Variants in SOX6 observed in about 807,000 individuals in gnomAD.
SOX6 encodes the protein SRY-box transcription factor 6.
Under a neutral mutation model 97.8 loss-of-function variants are expected in SOX6, and 11 were observed. That is an observed-to-expected ratio of 0.11 (90% confidence interval 0.07 to 0.19). The LOEUF (loss-of-function observed/expected upper bound fraction) is 0.19. Among genes scored for constraint, SOX6 ranks in the 10% least tolerant of loss-of-function variants. The pLI, the probability that SOX6 is intolerant of heterozygous loss-of-function variation, is 1.00. For synonymous variants in SOX6, 360 were observed against 371.4 expected, an observed-to-expected ratio of 0.97 and a Z score of 0.35; for missense variants, 810 against 1,039.5, an observed-to-expected ratio of 0.78 and a Z score of 3.04.
chr11:16,237,736 A>T (rs1272717364), intron 3 of SOX6, among the ~76,000 whole-genome samples: 1 of 152,074 alleles, frequency 6.6e-6, no homozygotes, highest in Non-Finnish European at 1.5e-5. Context: ...AAACATAAAT[A>T]TATTTTACAA....
intron 3 of SOX6, chr11:16,314,932 G>C (rs1590117230): frequency 1.3e-5 from 2 of 152,000 alleles, no homozygotes; most frequent in African/African-American, 4.8e-5. Flanking sequence ...TTATTTACTG[G>C]TTGTTTGTTT....
chr11:16,039,251 T>C (rs549461711), intron 12 of SOX6, among the ~76,000 whole-genome samples: 1 of 152,206 alleles, frequency 6.6e-6, no homozygotes, highest in East Asian at 1.9e-4. Flanking sequence ...TCTTTTTACA[T>C]CAAGGCAACG....
At chr11:16,574,954 C>A (rs1847968961) in intron 4 of SOX6, among the ~76,000 whole-genome samples, 1 of 151,630 alleles carries the variant, frequency 6.6e-6, no homozygotes, top group South Asian at 2.1e-4. Flanking sequence ...GCAAGAGAAT[C>A]GCTTGAACCC....
intron 3 of SOX6, among the ~76,000 whole-genome samples, chr11:16,652,548 T>C (rs895979070): frequency 1.9e-4 from 29 of 152,130 alleles, no homozygotes; most frequent in African/African-American, 7.0e-4. Flanking sequence ...GCTGGGATAA[T>C]TGGTAAGCCA....
rs557907329 is a variant in SOX6, at chr11:16,241,972, A to G, written c.446-7301T>C. ...TGGTAATGTAAGCCAATACATTCCTATTAATTTGAGTTGGGTTTCTGCAAG... is the reference window on the plus strand; with the variant it reads ...TGGTAATGTAAGCCAATACATTCCTGTTAATTTGAGTTGGGTTTCTGCAAG... On this transcript the variant is annotated intron_variant, in intron 3 of 15. Transcript: ENST00000683767. Among the ~76,000 whole-genome samples the G allele has an allele frequency of 2.6e-5, 4 of 152,204 alleles. No individual in the cohort carries two copies. In the South Asian group the frequency reaches 6.2e-4, roughly 24 times the overall value.
At chr11:16,094,206 C>A (rs547637526) in intron 9 of SOX6, among the ~76,000 whole-genome samples, 1 of 151,786 alleles carries the variant, frequency 6.6e-6, no homozygotes, top group South Asian at 2.1e-4. Context: ...ATCAGCATCA[C>A]TACAGCACTA....
intron 6 of SOX6, among the ~76,000 whole-genome samples, chr11:16,170,926 A>G (rs1405937119): frequency 6.6e-6 from 1 of 152,036 alleles, no homozygotes; most frequent in Non-Finnish European, 1.5e-5. Context: ...GCTATGGGAA[A>G]AGATTAAAGA....
At chr11:16,429,719 T>C (rs977040829) in intron 1 of SOX6, among the ~76,000 whole-genome samples, 1 of 152,006 alleles carries the variant, frequency 6.6e-6, no homozygotes, top group African/African-American at 2.4e-5. Flanking sequence ...GAAAAATAAC[T>C]TATAAGTACT....
At chr11:16,509,431 G>A (rs1223695334) in intron 4 of SOX6, among the ~76,000 whole-genome samples, 2 of 151,948 alleles carry the variant, frequency 1.3e-5, no homozygotes, top group African/African-American at 4.8e-5. Context: ...CAGTACAACT[G>A]ACTAAATCTA....
intron 4 of SOX6, among the ~76,000 whole-genome samples, chr11:16,496,562 T>G (rs1284927733): frequency 6.6e-6 from 1 of 152,202 alleles, no homozygotes; most frequent in Non-Finnish European, 1.5e-5. Context: ...GGAATTCCCT[T>G]TCCTAGTCAA....
intron 13 of SOX6, among the ~76,000 whole-genome samples, chr11:16,007,117 G>A (rs928376636): frequency 3.3e-5 from 5 of 152,084 alleles, no homozygotes; most frequent in Admixed American, 6.6e-5. Context: ...GATACCTTCT[G>A]AGAAATGAAT....
intron 3 of SOX6, among the ~76,000 whole-genome samples, chr11:16,687,626 C>T (rs1252374468): frequency 1.3e-5 from 2 of 152,148 alleles, no homozygotes; most frequent in African/African-American, 2.4e-5. Context: ...CTTTATCTTA[C>T]CTTGACTTTT....
At chr11:16,639,211 G>A (rs193132606) in intron 3 of SOX6, among the ~76,000 whole-genome samples, 167 of 152,298 alleles carry the variant, frequency 1.1e-3, no homozygotes, top group African/African-American at 3.9e-3. Flanking sequence ...GTTTGTCAAA[G>A]ATCAGATAGT....
chr11:16,267,453 A>T (rs956296381), intron 3 of SOX6, among the ~76,000 whole-genome samples: 75 of 151,794 alleles, frequency 4.9e-4, no homozygotes, highest in African/African-American at 1.8e-3. Flanking sequence ...GCTTGAAATC[A>T]TTAATCACAA....
chr11:16,471,756 G>C (rs534580976), intron 1 of SOX6, among the ~76,000 whole-genome samples: 2 of 152,176 alleles, frequency 1.3e-5, no homozygotes, highest in South Asian at 2.1e-4. Context: ...ATAGTATCCG[G>C]CTATATTTCT....
intron 1 of SOX6, among the ~76,000 whole-genome samples, chr11:16,363,744 T>G (rs1465763445): frequency 6.6e-6 from 1 of 152,104 alleles, no homozygotes; most frequent in Non-Finnish European, 1.5e-5. Context: ...CCATACAATT[T>G]AACACTTAGT....
intron 3 of SOX6, among the ~76,000 whole-genome samples, chr11:16,239,534 A>G (rs553848476): frequency 8.5e-5 from 13 of 152,250 alleles, no homozygotes; most frequent in African/African-American, 2.6e-4. Flanking sequence ...AAGTAACACC[A>G]TGAGTTATAT....
At chr11:16,017,420 G>T (rs1168609934) in intron 12 of SOX6, among the ~76,000 whole-genome samples, 1 of 152,070 alleles carries the variant, frequency 6.6e-6, no homozygotes, top group Admixed American at 6.6e-5. Context: ...TTGCATTTTA[G>T]ATTTGGTAAT....
intron 4 of SOX6, among the ~76,000 whole-genome samples, chr11:16,583,626 T>TATATATATATAC (rs1565186451): frequency 7.2e-6 from 1 of 139,312 alleles, no homozygotes; most frequent in Non-Finnish European, 1.6e-5. Context: ...TATATATATA[T>TATATATATATAC]ATATATATAT....
Sources: allele counts gnomAD v4.1 joint callset (sites outside exome capture counted in the v4.1 genomes callset), GRCh38; gene constraint gnomAD v4.1.1; transcripts MANE v1.5; gene names NCBI Gene and HGNC (gene_info 2026-07-23, HGNC 2026-07-21).